NKAIN2: variants seen among roughly 807,000 people sequenced by gnomAD.
NKAIN2 encodes the protein sodium/potassium-transporting ATPase subunit beta-1-interacting protein 2.
In NKAIN2, 14 loss-of-function variants were observed where a neutral mutation model predicts 32.6. The observed-to-expected ratio is 0.43, with a 90% CI of 0.28 to 0.67. NKAIN2 has a LOEUF of 0.67. NKAIN2 is among the 30% of genes least tolerant of loss of function. NKAIN2 has a pLI of 0.17. For missense variants in NKAIN2, 198 were observed against 258.3 expected (o/e 0.77, Z 1.60); for synonymous variants, 80 against 87.2 (o/e 0.92, Z 0.46).
chr6:124,652,786 G>A (rs1442603338), intron 3 of NKAIN2, among the ~76,000 whole-genome samples: 1 of 152,120 alleles, frequency 6.6e-6, no homozygotes, highest in Non-Finnish European at 1.5e-5. Context: ...CCACTTGCAT[G>A]ATAATGAAGC....
intron 3 of NKAIN2, among the ~76,000 whole-genome samples, chr6:124,624,878 G>A (rs1004681680): frequency 6.6e-6 from 1 of 152,234 alleles, no homozygotes. Flanking sequence ...AAAATAAAAT[G>A]CATCATTGTG....
intron 1 of NKAIN2, among the ~76,000 whole-genome samples, chr6:124,229,756 G>C (rs998794687): frequency 2.0e-5 from 3 of 152,214 alleles, no homozygotes; most frequent in South Asian, 2.1e-4. Flanking sequence ...TTTGCCTGCT[G>C]CCATCCATGT....
At chr6:123,902,962 G>A (rs1019350538) in intron 1 of NKAIN2, among the ~76,000 whole-genome samples, 3 of 152,152 alleles carry the variant, frequency 2.0e-5, no homozygotes, top group Non-Finnish European at 4.4e-5. Flanking sequence ...AATGTCCAAA[G>A]CAGCAAATTA....
rs548692235 is a variant in NKAIN2, at chr6:124,437,586, A to G, written c.273+82239A>G. ...GTCTTTTCTACCTATCTCATTCAACAATATGGAACAAGAGTTAGGTTCTGT... is the reference window on the plus strand; with the variant it reads ...GTCTTTTCTACCTATCTCATTCAACGATATGGAACAAGAGTTAGGTTCTGT... On this transcript the variant is annotated intron_variant, in intron 3 of 6. Transcript: ENST00000368417. Among the ~76,000 whole-genome samples, 9 of 152,140 alleles carry G rather than the reference A, an allele frequency of 5.9e-5. No individual in the cohort carries two copies. In the South Asian group the frequency reaches 1.9e-3, roughly 32 times the overall value.
At chr6:123,945,734 A>G (rs1244252327) in intron 1 of NKAIN2, among the ~76,000 whole-genome samples, 1 of 152,156 alleles carries the variant, frequency 6.6e-6, no homozygotes, top group Non-Finnish European at 1.5e-5. Context: ...TTGGAAGTGT[A>G]CCATTTCTAC....
intron 4 of NKAIN2, among the ~76,000 whole-genome samples, chr6:124,770,408 C>A (rs1160275197): frequency 6.6e-6 from 1 of 152,076 alleles, no homozygotes; most frequent in Admixed American, 6.6e-5. Flanking sequence ...AATCTCTTAG[C>A]GAAATTCTCA....
At chr6:124,409,797 A>T (rs1244406060) in intron 3 of NKAIN2, among the ~76,000 whole-genome samples, 2 of 152,212 alleles carry the variant, frequency 1.3e-5, no homozygotes, top group Non-Finnish European at 2.9e-5. Flanking sequence ...CCTATGGTAG[A>T]ATTCGGCTGT....
intron 1 of NKAIN2, among the ~76,000 whole-genome samples, chr6:124,264,550 C>T (rs901440940): frequency 1.3e-5 from 2 of 152,090 alleles, no homozygotes; most frequent in African/African-American, 4.8e-5. Flanking sequence ...TGGCCAATTG[C>T]TTCTGATGAA....
At chr6:124,728,024 T>C (rs1326627226) in intron 4 of NKAIN2, among the ~76,000 whole-genome samples, 6 of 151,686 alleles carry the variant, frequency 4.0e-5, no homozygotes, top group Admixed American at 3.3e-4. Context: ...TAAATATATA[T>C]GCACCCAACA....
In NKAIN2 at chr6:124,444,456, C is replaced by T. The variant is rs141983752; in HGVS notation, c.273+89109C>T. Among the ~76,000 whole-genome samples the T allele has an allele frequency of 3.9e-5, 6 of 152,024 alleles. No homozygotes were observed. In the East Asian group the frequency reaches 7.8e-4, roughly 20 times the overall value. ...AAATTCCTAACTGGGATGGTTGTACCGTAATGGTTGTTGCTTTCAATATGC... is the reference window on the plus strand; with the variant it reads ...AAATTCCTAACTGGGATGGTTGTACTGTAATGGTTGTTGCTTTCAATATGC... On this transcript the variant is annotated intron_variant, in intron 3 of 6. Coordinates refer to ENST00000368417, the MANE Select transcript of NKAIN2 (RefSeq NM_001040214.3).
intron 4 of NKAIN2, among the ~76,000 whole-genome samples, chr6:124,768,535 C>T (rs142338604): frequency 3.7e-4 from 56 of 152,262 alleles, no homozygotes; most frequent in African/African-American, 1.3e-3. Flanking sequence ...TAACGAATCA[C>T]ACCATCCTAA....
At chr6:124,030,070 A>G (rs1259360763) in intron 1 of NKAIN2, among the ~76,000 whole-genome samples, 1 of 151,850 alleles carries the variant, frequency 6.6e-6, no homozygotes, top group African/African-American at 2.4e-5. Flanking sequence ...ACAAAACAAA[A>G]ACATAAAAAC....
intron 3 of NKAIN2, among the ~76,000 whole-genome samples, chr6:124,415,878 C>CTTTTTTTTTTTTCTT (rs1774444599): frequency 5.5e-5 from 4 of 72,590 alleles, no homozygotes; most frequent in Non-Finnish European, 1.0e-4. Flanking sequence ...TTTTTATTTG[C>CTTTTTTTTTTTTCTT]TTTTTTTTTT....
At chr6:123,820,649 T>C (rs977972059) in intron 1 of NKAIN2, among the ~76,000 whole-genome samples, 2 of 152,204 alleles carry the variant, frequency 1.3e-5, no homozygotes, top group African/African-American at 4.8e-5. Flanking sequence ...CCAGCCATTC[T>C]GTACATCATG....
At chr6:123,867,482 CTT>C (rs1772592930) in intron 1 of NKAIN2, among the ~76,000 whole-genome samples, 1 of 152,186 alleles carries the variant, frequency 6.6e-6, no homozygotes, top group Admixed American at 6.5e-5. Context: ...TAGTTCTCCT[CTT>C]TGTTTCCTAC....
In NKAIN2 at chr6:124,710,348, T is replaced by A. The variant is rs1288654197; in HGVS notation, c.474+51962T>A. ...AGTTCTGTAGATGTCTATTAGGTCT[T>A]CTTGGTGCAGAGCTGAGTTCAATTC... On this transcript the variant is annotated intron_variant, in intron 4 of 6. Transcript: ENST00000368417. Among the ~76,000 whole-genome samples, 1,027 of 150,838 alleles carry A rather than the reference T, an allele frequency of 6.8e-3. 6 individuals carry two copies. The highest frequency in any genetic ancestry group is 0.024 in the African/African-American group (984 of 40,354).
intron 1 of NKAIN2, among the ~76,000 whole-genome samples, chr6:123,983,764 A>T (rs1313101111): frequency 6.6e-6 from 1 of 151,634 alleles, no homozygotes; most frequent in Non-Finnish European, 1.5e-5. Flanking sequence ...TTCTAGTAAT[A>T]ATATTAAGTG....
At chr6:124,438,728 CTAAA>C (rs944714636) in intron 3 of NKAIN2, among the ~76,000 whole-genome samples, 2 of 152,136 alleles carry the variant, frequency 1.3e-5, no homozygotes, top group African/African-American at 4.8e-5. Context: ...CTGTCACTAA[CTAAA>C]TAACATTTTT....
intron 1 of NKAIN2, among the ~76,000 whole-genome samples, chr6:124,169,868 G>A (rs1788759045): frequency 6.6e-6 from 1 of 152,144 alleles, no homozygotes; most frequent in African/African-American, 2.4e-5. Flanking sequence ...CAGAGAAAGA[G>A]CCTCTTTGGT....
Sources: gnomAD v4.1 joint callset for allele counts (sites outside exome capture counted in the v4.1 genomes callset) on GRCh38, gnomAD v4.1.1 for gene constraint, MANE v1.5 for transcripts, NCBI Gene and HGNC (gene_info 2026-07-23, HGNC 2026-07-21) for gene names.